GOLM1: variants seen among roughly 807,000 people sequenced by gnomAD.
The protein encoded by GOLM1 is epididymis luminal protein 46.
Under a neutral mutation model 50.5 loss-of-function variants are expected in GOLM1, and 31 were observed. The ratio of observed to expected loss-of-function variants is 0.61; its 90% CI spans 0.46 to 0.83. The LOEUF (loss-of-function observed/expected upper bound fraction) is 0.83, where lower values mean the gene tolerates loss of function less well. GOLM1 is among the 40% of genes least tolerant of loss of function. GOLM1 has a pLI of 0.00. For missense variants in GOLM1, 491 were observed against 501.3 expected, an observed-to-expected ratio of 0.98 and a Z score of 0.20; for synonymous variants, 178 against 192.8, an observed-to-expected ratio of 0.92 and a Z score of 0.64.
chr9:86,043,653 C>T (rs545999024), intron 5 of GOLM1, among the ~76,000 whole-genome samples: 29 of 152,164 alleles, frequency 1.9e-4, no homozygotes, highest in Non-Finnish European at 3.5e-4. Flanking sequence ...TGGTACACGG[C>T]CTTGGGCACA....
In GOLM1 at chr9:86,052,611, G is replaced by T. The variant is rs373318258; in HGVS notation, c.310-20C>A. 51 of 1,609,816 alleles carry T rather than the reference G, an allele frequency of 3.2e-5. No homozygotes were observed. Among genetic ancestry groups the T allele is most frequent in the Non-Finnish European group, 4.1e-5 (48 of 1,176,342 alleles). ...AACCGCCTGCAACGAAGATAAACTC[G>T]CATGAAACACCCAAACCAACACCTC... On this transcript the variant is annotated intron_variant, in intron 3 of 9. Coordinates refer to ENST00000388712, the MANE Select transcript of GOLM1 (RefSeq NM_016548.4).
chr9:86,046,548 TTCCTCTGCAGGG>T lies in GOLM1; in HGVS notation c.377_388del (p.Thr126_Arg129del), dbSNP rs1161369855. The stretch of plus-strand genomic sequence containing the variant: ...GACATCCTGCTGCAGCCTGCCGTAA[TTCCTCTGCAGGG>T]TCTTTAACTGGTCTACACCAAGGGG... On this transcript the variant is annotated inframe_deletion, in exon 5 of 10. Transcript: ENST00000388712. 6.2e-7 allele frequency: 1 copy of T among 1,612,126 alleles called. No homozygotes were observed. The highest frequency in any genetic ancestry group is 8.5e-7 in the Non-Finnish European group (1 of 1,178,626).
intron 3 of GOLM1, among the ~76,000 whole-genome samples, chr9:86,069,080 A>G (rs562220717): frequency 6.6e-6 from 1 of 152,138 alleles, no homozygotes; most frequent in Non-Finnish European, 1.5e-5. Context: ...CTACATTTAT[A>G]AAGTATTATA....
At chr9:86,095,491 G>A (rs538093262) in intron 1 of GOLM1, among the ~76,000 whole-genome samples, 3 of 150,844 alleles carry the variant, frequency 2.0e-5, no homozygotes, top group Admixed American at 6.6e-5. Context: ...GAAGTGATCC[G>A]CCCACCTCAG....
rs1364803343 is a variant in GOLM1, at chr9:86,040,776, G to A, written c.560C>T (p.Ser187Phe). ...VTKKGNEAVASRDLSENNDQR... is the reference protein window; with the variant it reads ...VTKKGNEAVAFRDLSENNDQR... ...GTCGTTGTTTTCACTCAGGTCTCTG[G>A]AAGCTACAGCTTCATTCCCCTTTTT... Residue 187 changes from serine (S) to phenylalanine (F), a missense_variant, in exon 6 of 10, where the codon TCC becomes TTC. Transcript: ENST00000388712. 10 of 1,613,958 alleles carry A rather than the reference G, an allele frequency of 6.2e-6. 1 individual carries two copies. In the Admixed American group the frequency reaches 1.5e-4, roughly 24 times the overall value.
At position 86,026,841 on chromosome 9, in the gene GOLM1, A is replaced by G. The variant is rs1013117624; in HGVS notation, c.*976T>C. The G allele has an allele frequency of 6.1e-6, 6 of 980,392 alleles. No individual in the cohort carries two copies. Among genetic ancestry groups the G allele is most frequent in the Non-Finnish European group, 7.3e-6 (6 of 825,332 alleles). 60.7% of individuals were successfully genotyped at this position (980,392 alleles called of 1,614,324 possible). Reference sequence around the variant, plus strand: ...GCTAAATGTGTACACTATGATAAAAACAACCATTGTATTCCTGTTTTTCTA... The same window carrying G: ...GCTAAATGTGTACACTATGATAAAAGCAACCATTGTATTCCTGTTTTTCTA... On this transcript the variant is annotated 3_prime_UTR_variant, in exon 10 of 10. Transcript: ENST00000388712.
intron 1 of GOLM1, among the ~76,000 whole-genome samples, chr9:86,096,582 G>A (rs369207791): frequency 7.9e-5 from 12 of 152,176 alleles, no homozygotes; most frequent in Non-Finnish European, 1.5e-4. Context: ...GCAAAATACC[G>A]TGGCTGGCAA....
chr9:86,098,058 C>T (rs1223843243), intron 1 of GOLM1, among the ~76,000 whole-genome samples: 2 of 152,126 alleles, frequency 1.3e-5, no homozygotes, highest in Non-Finnish European at 2.9e-5. Flanking sequence ...TTTCGTTTTC[C>T]TGTAAAACCA....
intron 3 of GOLM1, among the ~76,000 whole-genome samples, chr9:86,073,685 A>G (rs977607618): frequency 1.3e-5 from 2 of 152,202 alleles, no homozygotes; most frequent in African/African-American, 4.8e-5. Context: ...ATGGCTCCCT[A>G]TGACTCAGAG....
At chr9:86,083,103 A>G (rs1834835416) in intron 1 of GOLM1, among the ~76,000 whole-genome samples, 1 of 152,160 alleles carries the variant, frequency 6.6e-6, no homozygotes, top group South Asian at 2.1e-4. Context: ...ACCATAAACA[A>G]CCTTACACAG....
At chr9:86,031,142 A>G (rs2118613531) in intron 9 of GOLM1, among the ~76,000 whole-genome samples, 1 of 152,046 alleles carries the variant, frequency 6.6e-6, no homozygotes, top group Non-Finnish European at 1.5e-5. Context: ...CCCGGGAGGC[A>G]GAGGTTGCAG....
At chr9:86,098,952 G>A (rs1835439726) in intron 1 of GOLM1, among the ~76,000 whole-genome samples, 2 of 152,342 alleles carry the variant, frequency 1.3e-5, no homozygotes, top group Admixed American at 1.3e-4. Flanking sequence ...GGGAGGAAGA[G>A]GCGGCGGGAG....
Position 86,089,872 on chromosome 9 carries a change from T to A in GOLM1, c.-22+9539A>T, listed in dbSNP as rs994053588. Among the ~76,000 whole-genome samples, 9 of 152,248 alleles carry A rather than the reference T, an allele frequency of 5.9e-5. 1 individual carries two copies. In the East Asian group the frequency reaches 1.5e-3, roughly 26 times the overall value. On this transcript the variant is annotated intron_variant, in intron 1 of 9. Coordinates refer to ENST00000388712, the MANE Select transcript of GOLM1 (RefSeq NM_016548.4). ...GGAATTTTCAGCCTTTTTGTGCAGG[T>A]TTTTCCTCATCTTTGTGGATGTATC...
rs1240387653 is a variant in GOLM1, at chr9:86,036,496, G to A, written c.609C>T (p.Leu203=). The change falls in exon 7 of 10, where the codon CTC becomes CTT. Residue 203 remains leucine (L), a synonymous_variant. Coordinates refer to ENST00000388712, the MANE Select transcript of GOLM1 (RefSeq NM_016548.4). ...NNDQRQQLQA[L]SEPQPRLQAA... is the part of the protein sequence containing the mutation. ...CCTGCAGCCTGGGCTGAGGCTCACTGAGGGCTTGGAGCTGAAACAGAAGCA... is the reference window on the plus strand; with the variant it reads ...CCTGCAGCCTGGGCTGAGGCTCACTAAGGGCTTGGAGCTGAAACAGAAGCA... The A allele has an allele frequency of 1.2e-6, 2 of 1,613,918 alleles. No homozygotes were observed. The highest frequency in any genetic ancestry group is 1.7e-5 in the Admixed American group (1 of 59,984).
Position 86,026,699 on chromosome 9 carries a change from G to A in GOLM1, c.*1118C>T. On this transcript the variant is annotated 3_prime_UTR_variant, in exon 10 of 10. Coordinates refer to ENST00000388712, the MANE Select transcript of GOLM1 (RefSeq NM_016548.4). ...GCCTATTTACCATAAATAATACTAAGAACCAACTCAAGTCAAACCTTAATG... is the reference window on the plus strand; with the variant it reads ...GCCTATTTACCATAAATAATACTAAAAACCAACTCAAGTCAAACCTTAATG... The A allele has an allele frequency of 6.1e-6, 6 of 982,546 alleles. No individual in the cohort carries two copies. The South Asian group carries it at 1.9e-4, about 31-fold the overall frequency. 60.9% of individuals were successfully genotyped at this position (982,546 alleles called of 1,614,324 possible).
At chr9:86,031,280 G>A (rs930920468) in intron 9 of GOLM1, among the ~76,000 whole-genome samples, 1 of 151,850 alleles carries the variant, frequency 6.6e-6, no homozygotes, top group Non-Finnish European at 1.5e-5. Flanking sequence ...TTGTTACAAC[G>A]ACTCCTGCTG....
intron 1 of GOLM1, among the ~76,000 whole-genome samples, chr9:86,081,887 T>TAA (rs202108156): frequency 1.7e-3 from 242 of 139,358 alleles, no homozygotes; most frequent in Admixed American, 4.7e-3. Flanking sequence ...AGACTCTGAT[T>TAA]AAAAAAAAAA....
chr9:86,054,533 C>A (rs1443304205), intron 3 of GOLM1, among the ~76,000 whole-genome samples: 1 of 152,100 alleles, frequency 6.6e-6, no homozygotes, highest in Non-Finnish European at 1.5e-5. Context: ...CTCATGTATT[C>A]TTCTTGACAG....
chr9:86,044,709 TGA>T (rs1435364978), intron 5 of GOLM1, among the ~76,000 whole-genome samples: 1 of 152,170 alleles, frequency 6.6e-6, no homozygotes, highest in African/African-American at 2.4e-5. Flanking sequence ...CCCAGCACTT[TGA>T]GAGGCGAAGA....
Sources: allele counts gnomAD v4.1 joint callset (sites outside exome capture counted in the v4.1 genomes callset), GRCh38; gene constraint gnomAD v4.1.1; transcripts MANE v1.5; gene names NCBI Gene and HGNC (gene_info 2026-07-23, HGNC 2026-07-21).